DROSHA: variants seen among roughly 807,000 people sequenced by gnomAD.
DROSHA encodes ribonuclease 3.
In DROSHA, 56 loss-of-function variants were observed where a neutral mutation model predicts 181.9. The observed-to-expected ratio is 0.31, with a 90% confidence interval of 0.25 to 0.38. The LOEUF (loss-of-function observed/expected upper bound fraction) is 0.38, where lower values mean the gene tolerates loss of function less well. Ranked by LOEUF, DROSHA falls within the 10% of genes least tolerant of loss-of-function variation. The pLI, the probability that DROSHA is intolerant of heterozygous loss-of-function variation, is 1.00. For missense variants in DROSHA, 1,218 were observed against 1,743.5 expected (o/e 0.70, Z 5.37); for synonymous variants, 524 against 591.2 (o/e 0.89, Z 1.65).
intron 35 of DROSHA, among the ~76,000 whole-genome samples, chr5:31,403,882 T>A (rs558777249): frequency 8.0e-4 from 121 of 151,970 alleles, no homozygotes; most frequent in Non-Finnish European, 1.2e-3. Flanking sequence ...AACACATAGG[T>A]TTTTTTTATC....
intron 4 of DROSHA, 125 bp from the exon 5 acceptor site, chr5:31,527,037 G>C (rs1740679432): frequency 1.2e-6 from 1 of 804,948 alleles, no homozygotes; most frequent in Admixed American, 2.8e-5. Context: ...CAAGCCACTG[G>C]AATAGGCCAC....
rs550025980 is a variant in DROSHA at position 31,519,586 on chromosome 5, A to G, written c.947+1537T>C. 1.9e-4 allele frequency among the ~76,000 whole-genome samples: 29 copies of G among 152,292 alleles called. No individual in the cohort carries two copies. In the South Asian group the frequency reaches 6.0e-3, roughly 32 times the overall value. The stretch of plus-strand genomic sequence containing the variant: ...GGATATTCAGTAACAACGATAAGCA[A>G]TGGGGCCTCCTTGCCTTTTTTCAAA... On this transcript the variant is annotated intron_variant, in intron 6 of 35. Transcript: ENST00000344624.
intron 30 of DROSHA, among the ~76,000 whole-genome samples, chr5:31,414,570 A>G (rs1561122629): frequency 2.0e-5 from 3 of 152,228 alleles, no homozygotes; most frequent in African/African-American, 7.2e-5. Context: ...TGGAGAATGT[A>G]GTACCTAGCT....
intron 16 of DROSHA, among the ~76,000 whole-genome samples, chr5:31,481,372 A>C (rs1751015612): frequency 6.6e-6 from 1 of 152,238 alleles, no homozygotes; most frequent in African/African-American, 2.4e-5. Context: ...TCACAAAGTA[A>C]ATATCCAACA....
chr5:31,453,214 G>A (rs115912905), intron 20 of DROSHA, among the ~76,000 whole-genome samples: 2,386 of 151,970 alleles, frequency 0.016, 45 homozygotes, highest in African/African-American at 0.054. Flanking sequence ...CTTTATTTTT[G>A]AGACAGGGTC....
chr5:31,463,732 G>A (rs1050352585), intron 20 of DROSHA, among the ~76,000 whole-genome samples: 2 of 152,134 alleles, frequency 1.3e-5, no homozygotes, highest in African/African-American at 4.8e-5. Flanking sequence ...CGTTCACCCA[G>A]GGAAAATATA....
chr5:31,446,124 G>A (rs1005704397), intron 23 of DROSHA, among the ~76,000 whole-genome samples: 1 of 152,110 alleles, frequency 6.6e-6, no homozygotes, highest in African/African-American at 2.4e-5. Context: ...CCAAACACTT[G>A]CAATGAACAA....
intron 23 of DROSHA, among the ~76,000 whole-genome samples, chr5:31,443,756 C>T (rs1022955289): frequency 8.5e-5 from 13 of 152,124 alleles, no homozygotes; most frequent in African/African-American, 2.7e-4. Context: ...AAAGATACTA[C>T]CCAGCCATTT....
At chr5:31,527,347 A>T (rs1195328283) in intron 4 of DROSHA, among the ~76,000 whole-genome samples, 1 of 151,150 alleles carries the variant, frequency 6.6e-6, no homozygotes, top group Non-Finnish European at 1.5e-5. Flanking sequence ...GCAATCCTCC[A>T]CCTCTCCCTG....
chr5:31,480,296 C>T (rs1750896022), intron 16 of DROSHA, among the ~76,000 whole-genome samples: 1 of 149,802 alleles, frequency 6.7e-6, no homozygotes, highest in African/African-American at 2.4e-5. Flanking sequence ...AATGAGCCAA[C>T]TACAGTTAAG....
At chr5:31,525,356 T>A (rs10472193) in intron 5 of DROSHA, among the ~76,000 whole-genome samples, 2 of 129,824 alleles carry the variant, frequency 1.5e-5, no homozygotes, top group Non-Finnish European at 3.2e-5. Flanking sequence ...AAAAAAAAAT[T>A]AGCCGAGTGT....
intron 24 of DROSHA, among the ~76,000 whole-genome samples, chr5:31,436,972 C>G (rs893690907): frequency 2.0e-5 from 3 of 152,172 alleles, no homozygotes; most frequent in African/African-American, 7.2e-5. Flanking sequence ...AAGCTGATCT[C>G]TTGTGGCTGT....
At chr5:31,517,031 A>G (rs1268000979) in intron 6 of DROSHA, among the ~76,000 whole-genome samples, 1 of 152,172 alleles carries the variant, frequency 6.6e-6, no homozygotes, top group East Asian at 1.9e-4. Context: ...CCATTTCCAC[A>G]CATCCTGTCA....
intron 27 of DROSHA, among the ~76,000 whole-genome samples, chr5:31,426,375 G>GT (rs1198652045): frequency 1.3e-5 from 2 of 152,164 alleles, no homozygotes; most frequent in Non-Finnish European, 2.9e-5. Context: ...CATGCAACAT[G>GT]TTTTTACTGA....
chr5:31,508,818 A>G, intron 9 of DROSHA, 43 bp from the exon 10 acceptor site: 1 of 1,524,136 alleles, frequency 6.6e-7, no homozygotes. Flanking sequence ...GATGGAATTA[A>G]CAAACTGGTT....
At chr5:31,425,561 A>C (rs1743359411) in intron 27 of DROSHA, among the ~76,000 whole-genome samples, 1 of 152,088 alleles carries the variant, frequency 6.6e-6, no homozygotes, top group Non-Finnish European at 1.5e-5. Flanking sequence ...CCTATTCATT[A>C]CCATTTCCAC....
At chr5:31,473,621 G>A (rs372096525) in intron 16 of DROSHA, among the ~76,000 whole-genome samples, 3 of 152,180 alleles carry the variant, frequency 2.0e-5, no homozygotes, top group African/African-American at 7.2e-5. Flanking sequence ...AAAAGATCAG[G>A]TTGAGGTGAG....
At chr5:31,431,291 A>C (rs1441671728) in intron 26 of DROSHA, among the ~76,000 whole-genome samples, 1 of 143,208 alleles carries the variant, frequency 7.0e-6, no homozygotes, top group Non-Finnish European at 1.5e-5. Flanking sequence ...ATATTAACTC[A>C]CCTCATTTCA....
At chr5:31,445,446 C>T (rs558780287) in intron 23 of DROSHA, among the ~76,000 whole-genome samples, 21 of 152,264 alleles carry the variant, frequency 1.4e-4, no homozygotes, top group Admixed American at 5.9e-4. Context: ...CTTTCCAACT[C>T]GTTATATGAG....
Sources: allele counts gnomAD v4.1 joint callset (sites outside exome capture counted in the v4.1 genomes callset), GRCh38; gene constraint gnomAD v4.1.1; transcripts MANE v1.5; gene names NCBI Gene and HGNC (gene_info 2026-07-23, HGNC 2026-07-21).